The following NEDD1 variants were observed in gnomAD, a reference collection of about 807,000 sequenced individuals.
NEDD1 encodes NEDD1 gamma-tubulin ring complex targeting factor, also known as protein NEDD1.
In NEDD1, 33 loss-of-function variants were observed where a neutral mutation model predicts 74.0. The observed-to-expected ratio is 0.45, with a 90% CI of 0.34 to 0.60. NEDD1 has a LOEUF of 0.60. Ranked by LOEUF, NEDD1 falls within the 20% of genes least tolerant of loss-of-function variation. The pLI is 0.01. For missense variants in NEDD1, 746 were observed against 776.5 expected (o/e 0.96, Z 0.47); for synonymous variants, 250 against 264.4 (o/e 0.95, Z 0.53).
intron 2 of NEDD1, among the ~76,000 whole-genome samples, chr12:96,909,199 G>C (rs1161991103): frequency 6.8e-6 from 1 of 146,980 alleles, no homozygotes; most frequent in Non-Finnish European, 1.5e-5. Flanking sequence ...AAAAAATTCA[G>C]ATATTAGGAA....
rs560553437 is a variant in NEDD1, at chr12:96,949,951, C to T, written c.1812-1481C>T. On this transcript the variant is annotated intron_variant, in intron 14 of 15. Coordinates refer to ENST00000266742, the MANE Select transcript of NEDD1 (RefSeq NM_152905.4). ...GGAAATCATTAAAAATAAAATAATG[C>T]ACTGCCTATAAAAATACATTGGTAA... Among the ~76,000 whole-genome samples the T allele has an allele frequency of 5.9e-5, 9 of 152,018 alleles. No homozygotes were observed. The East Asian group carries it at 1.7e-3, about 29-fold the overall frequency.
intron 6 of NEDD1, among the ~76,000 whole-genome samples, chr12:96,930,203 ACACACACACTCT>A (rs1165168200): frequency 4.6e-4 from 31 of 67,248 alleles, no homozygotes; most frequent in African/African-American, 1.6e-3. Context: ...ACACACACAC[ACACACACACTCT>A]CTCTCTCTCT....
At chr12:96,939,971 A>G (rs1403081403) in intron 9 of NEDD1, among the ~76,000 whole-genome samples, 1 of 152,018 alleles carries the variant, frequency 6.6e-6, no homozygotes, top group Non-Finnish European at 1.5e-5. Context: ...ATCCTGCTGT[A>G]TGTTAGGCAT....
intron 14 of NEDD1, among the ~76,000 whole-genome samples, 183 bp from the exon 15 acceptor site, chr12:96,951,249 T>TA (rs1354944278): frequency 6.6e-6 from 1 of 151,896 alleles, no homozygotes; most frequent in Non-Finnish European, 1.5e-5. Context: ...TTCTTACATT[T>TA]AAAGTAAAGG....
intron 6 of NEDD1, among the ~76,000 whole-genome samples, chr12:96,930,230 C>CTG (rs1876297908): frequency 6.6e-6 from 1 of 151,418 alleles, no homozygotes; most frequent in Admixed American, 6.6e-5. Context: ...CTCTCTCTCT[C>CTG]TCTCTCTCTC....
intron 9 of NEDD1, among the ~76,000 whole-genome samples, chr12:96,937,676 T>C (rs1453074811): frequency 6.6e-6 from 1 of 152,142 alleles, no homozygotes; most frequent in Non-Finnish European, 1.5e-5. Flanking sequence ...TTATTCATCC[T>C]TAATACTACT....
chr12:96,937,770 A>G (rs1183276872), intron 9 of NEDD1, among the ~76,000 whole-genome samples: 1 of 152,094 alleles, frequency 6.6e-6, no homozygotes, highest in Admixed American at 6.6e-5. Context: ...ATTTGATCTC[A>G]TTAAATAAAA....
chr12:96,910,561 G>A (rs1324765908), intron 3 of NEDD1, among the ~76,000 whole-genome samples: 1 of 152,036 alleles, frequency 6.6e-6, no homozygotes. Context: ...TGTAAACTAG[G>A]GTTTCTGAAC....
rs2136588230 is a variant in NEDD1, at chr12:96,936,661, T to A, written c.770T>A (p.Met257Lys). Residue 257 changes from methionine (M) to lysine (K), a missense_variant, in exon 8 of 16, where the codon ATG (methionine) becomes AAG (lysine). Met to Lys is a moderately conservative substitution (Grantham distance 95). This residue lies in a region of NEDD1 where 706 missense variants were observed against 706.7 expected (regional missense o/e 1.00). Transcript: ENST00000266742. ...ADTPLTAVDF[M>K]PDGATLAIGS... is the part of the protein sequence containing the mutation. Reference sequence around the variant, plus strand: ...ACTCCTCTAACTGCGGTAGATTTCATGCCTGATGGAGCCACTTTGGCTATT... The same window carrying A: ...ACTCCTCTAACTGCGGTAGATTTCAAGCCTGATGGAGCCACTTTGGCTATT... 6.2e-7 allele frequency: 1 copy of A among 1,613,938 alleles called. No individual in the cohort carries two copies. Among genetic ancestry groups the A allele is most frequent in the Non-Finnish European group, 8.5e-7 (1 of 1,179,842 alleles).
chr12:96,941,507 C>T (rs1392085465), intron 10 of NEDD1, among the ~76,000 whole-genome samples: 2 of 151,944 alleles, frequency 1.3e-5, no homozygotes, highest in African/African-American at 4.8e-5. Flanking sequence ...GAAGAGAAGT[C>T]GAACTACATC....
At chr12:96,944,525 T>G in intron 12 of NEDD1, 114 bp from the exon 13 acceptor site, 1 of 535,754 alleles carries the variant, frequency 1.9e-6, no homozygotes, top group Non-Finnish European at 3.2e-6. Flanking sequence ...CCTATTTTCC[T>G]TCATTTCTAT....
At chr12:96,930,156 AACACACACACAC>A (rs61405089) in intron 6 of NEDD1, among the ~76,000 whole-genome samples, 7,700 of 93,302 alleles carry the variant, frequency 0.083, 366 homozygotes, top group East Asian at 0.13. Flanking sequence ...TCTGTTGTAA[AACACACACACAC>A]ACACACACAC....
intron 14 of NEDD1, 64 bp downstream of exon 14, chr12:96,945,913 C>G: frequency 1.0e-6 from 1 of 975,486 alleles, no homozygotes; most frequent in Non-Finnish European, 1.6e-6. Flanking sequence ...GATGTAAAAC[C>G]AGAACTATAG....
rs1447878207 is a variant in NEDD1, at chr12:96,939,809, T to G, written c.1118-600T>G. Among the ~76,000 whole-genome samples, 2 of 152,014 alleles carry G rather than the reference T, an allele frequency of 1.3e-5. 1 individual carries two copies. Among genetic ancestry groups the G allele is most frequent in the African/African-American group, 4.8e-5 (2 of 41,418 alleles). ...CTTACTATTCTTTATGAGTTTGGTG[T>G]TCTGGTTTGCTTCCTCTTTGAAACT... On this transcript the variant is annotated intron_variant, in intron 9 of 15. Transcript: ENST00000266742.
chr12:96,938,973 T>G (rs904360857), intron 9 of NEDD1, among the ~76,000 whole-genome samples: 1 of 152,052 alleles, frequency 6.6e-6, no homozygotes, highest in East Asian at 1.9e-4. Flanking sequence ...TGTACACATT[T>G]AAGATGACAT....
At chr12:96,949,526 C>G (rs920571974) in intron 14 of NEDD1, among the ~76,000 whole-genome samples, 2 of 151,818 alleles carry the variant, frequency 1.3e-5, no homozygotes, top group Non-Finnish European at 2.9e-5. Context: ...AAAATCCCAG[C>G]TGGGATTTGG....
chr12:96,938,192 A>G (rs938283146), intron 9 of NEDD1, among the ~76,000 whole-genome samples: 4 of 151,916 alleles, frequency 2.6e-5, no homozygotes, highest in Middle Eastern at 3.5e-3. Context: ...GTTGATCTTG[A>G]TAGTGTGGAG....
At chr12:96,923,788 TTGTGTGTGTGTGTG>T (rs10528785) in intron 6 of NEDD1, among the ~76,000 whole-genome samples, 2,757 of 142,340 alleles carry the variant, frequency 0.019, 36 homozygotes, top group South Asian at 0.029. Context: ...TAATACCTGT[TTGTGTGTGTGTGTG>T]TGTGTGTGTG....
At chr12:96,908,827 C>A (rs1366273395) in intron 2 of NEDD1, among the ~76,000 whole-genome samples, 1 of 152,040 alleles carries the variant, frequency 6.6e-6, no homozygotes, top group East Asian at 1.9e-4. Flanking sequence ...TGCTGTGTGC[C>A]AGGAATGTTT....
Sources: gnomAD v4.1 joint callset for allele counts (sites outside exome capture counted in the v4.1 genomes callset) on GRCh38, gnomAD v4.1.1 for gene constraint, gnomAD v4.1.1 regional missense constraint, MANE v1.5 for transcripts, NCBI Gene and HGNC (gene_info 2026-07-23, HGNC 2026-07-21) for gene names.